RIMS2: variants seen among roughly 807,000 people sequenced by gnomAD.
RIMS2 encodes regulating synaptic membrane exocytosis 2.
Under a neutral mutation model 174.4 loss-of-function variants are expected in RIMS2, and 59 were observed. The ratio of observed to expected loss-of-function variants is 0.34; its 90% CI spans 0.27 to 0.42. The LOEUF (loss-of-function observed/expected upper bound fraction) is 0.42. RIMS2 is among the 10% of genes least tolerant of loss of function. RIMS2 has a pLI of 1.00. For missense variants in RIMS2, 1,620 were observed against 1,666.3 expected (o/e 0.97, Z 0.48); for synonymous variants, 606 against 572.5 (o/e 1.06, Z -0.84).
intron 1 of RIMS2, among the ~76,000 whole-genome samples, chr8:103,570,361 ATTAC>A (rs760342225): frequency 2.0e-5 from 3 of 152,176 alleles, no homozygotes; most frequent in African/African-American, 4.8e-5. Context: ...CACATGCTTT[ATTAC>A]TTATTTATTC....
chr8:103,528,812 A>C (rs951592126), intron 1 of RIMS2, among the ~76,000 whole-genome samples: 2 of 152,136 alleles, frequency 1.3e-5, no homozygotes, highest in African/African-American at 4.8e-5. Flanking sequence ...GTATAGTTTG[A>C]AGTCAGGTAG....
chr8:104,173,458 G>A (rs1003139455), intron 19 of RIMS2, among the ~76,000 whole-genome samples: 2 of 151,818 alleles, frequency 1.3e-5, no homozygotes, highest in African/African-American at 4.8e-5. Context: ...TTATTTTAAT[G>A]AACACCAGAT....
chr8:104,196,167 CTT>C (rs929578521), intron 19 of RIMS2, among the ~76,000 whole-genome samples: 1 of 152,090 alleles, frequency 6.6e-6, no homozygotes, highest in Non-Finnish European at 1.5e-5. Context: ...CCAAAAAACA[CTT>C]TGTCTTTTTA....
At chr8:104,059,652 T>A (rs2096940924) in intron 19 of RIMS2, among the ~76,000 whole-genome samples, 2 of 146,624 alleles carry the variant, frequency 1.4e-5, no homozygotes, top group African/African-American at 5.0e-5. Context: ...TGTGCCAGTT[T>A]TCAAAGGGAA....
chr8:103,906,526 G>A (rs2074440229), intron 4 of RIMS2, among the ~76,000 whole-genome samples: 1 of 152,164 alleles, frequency 6.6e-6, no homozygotes, highest in East Asian at 1.9e-4. Context: ...GATTACAGGC[G>A]TGAGCCACTG....
intron 2 of RIMS2, among the ~76,000 whole-genome samples, chr8:103,720,011 TGTTA>T (rs1432276165): frequency 6.6e-6 from 1 of 152,218 alleles, no homozygotes; most frequent in Non-Finnish European, 1.5e-5. Context: ...AAAGTTCACT[TGTTA>T]GTTGTTAACT....
At chr8:103,854,543 GT>G (rs1181518144) in intron 3 of RIMS2, among the ~76,000 whole-genome samples, 3 of 150,748 alleles carry the variant, frequency 2.0e-5, no homozygotes, top group Non-Finnish European at 4.4e-5. Context: ...TTGTTGCCTA[GT>G]TTGTTGAGGG....
intron 1 of RIMS2, among the ~76,000 whole-genome samples, chr8:103,535,863 G>A (rs2131064434): frequency 6.6e-6 from 1 of 152,244 alleles, no homozygotes; most frequent in South Asian, 2.1e-4. Flanking sequence ...TGCTTTATGT[G>A]TATCATTTTA....
At chr8:103,816,412 T>A (rs556248831) in intron 3 of RIMS2, among the ~76,000 whole-genome samples, 4 of 152,190 alleles carry the variant, frequency 2.6e-5, no homozygotes, top group Admixed American at 6.5e-5. Flanking sequence ...GCCTACCCTG[T>A]ACTAGGCACT....
At chr8:104,004,876 G>T (rs1489155190) in intron 17 of RIMS2, among the ~76,000 whole-genome samples, 3 of 151,598 alleles carry the variant, frequency 2.0e-5, no homozygotes, top group Admixed American at 6.6e-5. Context: ...CTAATAGAGA[G>T]AAATTAAGTT....
chr8:103,964,052 A>G (rs1398754798), intron 15 of RIMS2, among the ~76,000 whole-genome samples: 5 of 152,112 alleles, frequency 3.3e-5, no homozygotes, highest in Non-Finnish European at 7.4e-5. Context: ...GATATACCAC[A>G]GTTTGTTTAT....
chr8:103,975,212 G>T (rs2093313160), intron 15 of RIMS2, 138 bp from the exon 18 acceptor site: 1 of 498,918 alleles, frequency 2.0e-6, no homozygotes, highest in Non-Finnish European at 3.5e-6. Flanking sequence ...TAATATCATG[G>T]TTTATTCACT....
At chr8:103,969,622 C>G (rs988893601) in intron 15 of RIMS2, among the ~76,000 whole-genome samples, 1 of 152,134 alleles carries the variant, frequency 6.6e-6, no homozygotes, top group African/African-American at 2.4e-5. Context: ...TTTATTAGAG[C>G]CCTTTGTATA....
intron 2 of RIMS2, among the ~76,000 whole-genome samples, chr8:103,699,521 C>T (rs1355400479): frequency 2.6e-5 from 4 of 152,190 alleles, no homozygotes; most frequent in Admixed American, 6.5e-5. Context: ...TGAGCCACCA[C>T]GTCTGGCCCA....
chr8:103,834,472 G>C (rs1201682397), intron 3 of RIMS2, among the ~76,000 whole-genome samples: 2 of 151,442 alleles, frequency 1.3e-5, no homozygotes, highest in Non-Finnish European at 2.9e-5. Flanking sequence ...AAAGTACTGG[G>C]ATTGTAGGGG....
chr8:103,501,634 C>T (rs567185826), intron 1 of RIMS2: 4 of 152,804 alleles, frequency 2.6e-5, no homozygotes, highest in South Asian at 2.1e-4. Context: ...AGCTCTGTCG[C>T]GGTCGGGTGG....
chr8:103,619,093 G>GA (rs56210078), intron 1 of RIMS2, among the ~76,000 whole-genome samples: 16,455 of 106,926 alleles, frequency 0.15, 1,125 homozygotes, highest in Middle Eastern at 0.29. Flanking sequence ...ACTTTTTGCT[G>GA]AAAAAAAAAA....
chr8:103,849,028 C>T (rs920470633), intron 3 of RIMS2, among the ~76,000 whole-genome samples: 2 of 152,064 alleles, frequency 1.3e-5, no homozygotes, highest in African/African-American at 4.8e-5. Context: ...CAATGACCAT[C>T]TAAAACTAGT....
chr8:103,920,740 A>G, intron 9 of RIMS2: 2 of 455,802 alleles, frequency 4.4e-6, no homozygotes, highest in Non-Finnish European at 8.8e-6. Context: ...GTGTAATCCC[A>G]GCACTTTGGG....
Sources: allele counts gnomAD v4.1 joint callset (sites outside exome capture counted in the v4.1 genomes callset), GRCh38; gene constraint gnomAD v4.1.1; transcripts MANE v1.5; gene names NCBI Gene and HGNC (gene_info 2026-07-23, HGNC 2026-07-21).